The following RNASET2 variants were observed in gnomAD, a reference collection of about 807,000 sequenced individuals.
RNASET2 encodes the protein ribonuclease 6.
A neutral mutation model predicts 33.9 loss-of-function variants in RNASET2; 28 were observed. The ratio of observed to expected loss-of-function variants is 0.83; its 90% CI spans 0.61 to 1.13. The LOEUF is 1.13. RNASET2 is among the 50% of genes most tolerant of loss of function. The pLI is 0.00. For missense variants in RNASET2, 330 were observed against 319.9 expected (o/e 1.03, Z -0.24); for synonymous variants, 123 against 121.0 (o/e 1.02, Z -0.11).
In RNASET2 at chr6:166,929,707, C is replaced by A; in HGVS notation, c.652G>T (p.Glu218Ter). The stretch of plus-strand genomic sequence containing the variant: ...ACTTCCTGCTTGGGGGACGGCTGCT[C>A]CCCCGGCTCGGTGCAGTTTTGCAGC... ...QQLQNCTEPG[E>*]QPSPKQEVWL... The change falls in exon 9 of 9, where the codon GAG (glutamate) becomes TAG (stop). Residue 218 changes from glutamate (E) to a stop codon, truncating the protein, a stop_gained. Coordinates refer to ENST00000508775, the MANE Select transcript of RNASET2 (RefSeq NM_003730.6). LOFTEE classifies it low-confidence loss of function (END_TRUNC). 2 of 1,614,008 alleles carry A rather than the reference C, an allele frequency of 1.2e-6. No individual in the cohort carries two copies. The highest frequency in any genetic ancestry group is 1.7e-6 in the Non-Finnish European group (2 of 1,180,012).
chr6:166,949,560 T>G (rs1368653976), intron 2 of RNASET2, among the ~76,000 whole-genome samples: 1 of 143,176 alleles, frequency 7.0e-6, no homozygotes, highest in Non-Finnish European at 1.5e-5. Context: ...CTGAGCCAGA[T>G]AAGTGAAACT....
At chr6:166,937,023 T>C (rs1042207945) in intron 6 of RNASET2, among the ~76,000 whole-genome samples, 3 of 152,218 alleles carry the variant, frequency 2.0e-5, no homozygotes, top group African/African-American at 4.8e-5. Context: ...ATCTTTCTTG[T>C]CATCTCCAAA....
chr6:166,956,281 G>C lies in RNASET2; in HGVS notation c.-99C>G. 8.5e-7 allele frequency: 1 copy of C among 1,182,298 alleles called. No homozygotes were observed. The allele number at this position is 1,182,298 out of a possible 1,614,324, so 73.2% of individuals were successfully genotyped here. On this transcript the variant is annotated 5_prime_UTR_variant, in exon 1 of 9. Transcript: ENST00000508775. ...CTTCCGGGAGAAACGCTGTCTCCGAGCCCCCGCGCCGCCGCGCTCCCTCCG... is the reference window on the plus strand; with the variant it reads ...CTTCCGGGAGAAACGCTGTCTCCGACCCCCCGCGCCGCCGCGCTCCCTCCG...
At chr6:166,930,621 CAGCA>C (rs1396884394) in intron 8 of RNASET2, among the ~76,000 whole-genome samples, 1 of 150,876 alleles carries the variant, frequency 6.6e-6, no homozygotes, top group African/African-American at 2.5e-5. Flanking sequence ...CATGCACACA[CAGCA>C]CATGCCCACA....
intron 7 of RNASET2, chr6:166,931,414 C>T (rs1043839277): frequency 1.7e-5 from 8 of 467,900 alleles, no homozygotes; most frequent in Admixed American, 3.5e-5. Context: ...GGGCCCCGAG[C>T]TGTCTCACCT....
intron 8 of RNASET2, among the ~76,000 whole-genome samples, chr6:166,930,821 CAT>C (rs949071704): frequency 2.0e-5 from 3 of 150,104 alleles, no homozygotes; most frequent in African/African-American, 4.9e-5. Context: ...CACATGCACA[CAT>C]AGCACATGCC....
rs560952461 is a variant in RNASET2, at chr6:166,948,488, TA to T, written c.203+81del. 1.8e-4 allele frequency: 151 copies of T among 860,920 alleles called. 3 individuals are homozygous for T. In the South Asian group the frequency reaches 1.9e-3, roughly 11 times the overall value. The allele number at this position is 860,920 out of a possible 1,614,324, so 53.3% of individuals were successfully genotyped here. On this transcript the variant is annotated intron_variant, in intron 3 of 8. Coordinates refer to ENST00000508775, the MANE Select transcript of RNASET2 (RefSeq NM_003730.6). ...AACTCCTAAAAATAAAAAACAAGAA[TA>T]AATATTAAGACCACATTCAAGCTAG...
At chr6:166,929,838 A>G (rs772572612) in intron 8 of RNASET2, 47 bp from the exon 9 acceptor site, 33 of 1,530,494 alleles carry the variant, frequency 2.2e-5, no homozygotes, top group Non-Finnish European at 3.0e-5. Flanking sequence ...ATCTTGGATT[A>G]TCATCAAGGT....
At chr6:166,950,954 A>G (rs1562503930) in intron 2 of RNASET2, among the ~76,000 whole-genome samples, 1 of 152,348 alleles carries the variant, frequency 6.6e-6, no homozygotes, top group East Asian at 1.9e-4. Flanking sequence ...AAGACACAAG[A>G]CAAAGAGACA....
At chr6:166,953,133 G>A (rs530710960) in intron 1 of RNASET2, 9 of 187,364 alleles carry the variant, frequency 4.8e-5, no homozygotes, top group African/African-American at 1.6e-4. Context: ...ACTTGAACAC[G>A]GTATGTGCAC....
Position 166,956,365 on chromosome 6 carries a change from G to C in RNASET2, c.-183C>G, listed in dbSNP as rs1202406846. ...CTGGGACGGCCTAAACCAGTATCTC[G>C]CGGGCCCCGCGCCGGGCTCCGGGAA... On this transcript the variant is annotated 5_prime_UTR_variant, in exon 1 of 9. Coordinates refer to ENST00000508775, the MANE Select transcript of RNASET2 (RefSeq NM_003730.6). The C allele has an allele frequency of 3.5e-5, 21 of 597,818 alleles. No homozygotes were observed. The highest frequency in any genetic ancestry group is 4.5e-4 in the Middle Eastern group (1 of 2,238). The allele number at this position is 597,818 out of a possible 1,614,324, so 37.0% of individuals were successfully genotyped here. A position where few individuals can be genotyped will look rare whatever the true frequency, so the allele number is the denominator to read the frequency against.
Position 166,939,621 on chromosome 6 carries a change from G to GT in RNASET2, c.333-614dup, listed in dbSNP as rs565836041. ...ACAAAGCAACGTGTGGTCTCCTGCA[G>GT]TGAGTGGGTGCTTTGCAGTCAGGGA... On this transcript the variant is annotated intron_variant, in intron 5 of 8. Transcript: ENST00000508775. Among the ~76,000 whole-genome samples, 35 of 152,324 alleles carry GT rather than the reference G, an allele frequency of 2.3e-4. No individual in the cohort carries two copies. In the East Asian group the frequency reaches 5.6e-3, roughly 24 times the overall value.
chr6:166,935,714 G>C (rs1287454222), intron 6 of RNASET2, among the ~76,000 whole-genome samples: 2 of 152,186 alleles, frequency 1.3e-5, no homozygotes, highest in Non-Finnish European at 2.9e-5. Flanking sequence ...GTCTTGCTCT[G>C]TGGCCCAGGC....
rs570851392 is a variant in RNASET2 at position 166,940,359 on chromosome 6, A to G, written c.333-1351T>C. ...TACTAGTTTTAAATAATTCCTATTG[A>G]TTTAACTCTCAGAAAATGATGAAAA... On this transcript the variant is annotated intron_variant, in intron 5 of 8. Transcript: ENST00000508775. Among the ~76,000 whole-genome samples the G allele has an allele frequency of 5.3e-5, 8 of 152,356 alleles. No homozygotes were observed. The South Asian group carries it at 1.7e-3, about 32-fold the overall frequency.
chr6:166,930,761 G>A (rs1229802620), intron 8 of RNASET2, among the ~76,000 whole-genome samples: 4 of 139,438 alleles, frequency 2.9e-5, no homozygotes, highest in Non-Finnish European at 4.5e-5. Flanking sequence ...TGCACACACA[G>A]GACATGCACA....
At chr6:166,938,498 G>A (rs1778619103) in intron 6 of RNASET2, 1 of 523,592 alleles carries the variant, frequency 1.9e-6, no homozygotes, top group Non-Finnish European at 3.8e-6. Flanking sequence ...TGTTCCAGGA[G>A]TTCTGCGGCA....
Position 166,925,939 on chromosome 6 carries a change from C to T in RNASET2, c.*3649G>A, listed in dbSNP as rs1401137147. ...GGATTGAGGGAATGTCCCTGAGCCG[C>T]CATACTGGGGAGGTGTGATCTGGGA... On this transcript the variant is annotated 3_prime_UTR_variant, in exon 9 of 9. Coordinates refer to ENST00000508775, the MANE Select transcript of RNASET2 (RefSeq NM_003730.6). 6.6e-6 allele frequency among the ~76,000 whole-genome samples: 1 copy of T among 152,148 alleles called. No individual in the cohort carries two copies. Among genetic ancestry groups the T allele is most frequent in the Non-Finnish European group, 1.5e-5 (1 of 68,034 alleles).
At position 166,925,276 on chromosome 6, in the gene RNASET2, G is replaced by A. The variant is rs1778288213; in HGVS notation, c.*4312C>T. Among the ~76,000 whole-genome samples the A allele has an allele frequency of 6.6e-6, 1 of 151,712 alleles. No homozygotes were observed. Among genetic ancestry groups the A allele is most frequent in the African/African-American group, 2.4e-5 (1 of 41,246 alleles). On this transcript the variant is annotated 3_prime_UTR_variant, in exon 9 of 9. Transcript: ENST00000508775. ...GCGCAGTCCATGTCTCCGCTGCCCA[G>A]GCCTCATCTATGCCACTTAGCCCTC...
At chr6:166,931,992 C>A in intron 7 of RNASET2, 1 of 153,128 alleles carries the variant, frequency 6.5e-6, no homozygotes, top group Non-Finnish European at 1.5e-5. Flanking sequence ...CTTTTCCACC[C>A]CATGGCTTCC....
Sources: gnomAD v4.1 joint callset for allele counts (sites outside exome capture counted in the v4.1 genomes callset) on GRCh38, gnomAD v4.1.1 for gene constraint, MANE v1.5 for transcripts, NCBI Gene and HGNC (gene_info 2026-07-23, HGNC 2026-07-21) for gene names.